EZR: variants seen among roughly 807,000 people sequenced by gnomAD.
The protein encoded by EZR is cytovillin 2.
A neutral mutation model predicts 74.8 loss-of-function variants in EZR; 40 were observed. The ratio of observed to expected loss-of-function variants is 0.53; its 90% CI spans 0.42 to 0.70. The LOEUF (loss-of-function observed/expected upper bound fraction) is 0.70. Among genes scored for constraint, EZR ranks in the 30% least tolerant of loss-of-function variants. EZR has a pLI of 0.00. For synonymous variants in EZR, 341 were observed against 283.3 expected (o/e 1.20, Z -2.05); for missense variants, 678 against 755.8 (o/e 0.90, Z 1.21).
At chr6:158,788,857 G>A (rs776454392) in intron 3 of EZR, among the ~76,000 whole-genome samples, 3 of 152,154 alleles carry the variant, frequency 2.0e-5, no homozygotes, top group Non-Finnish European at 4.4e-5. Flanking sequence ...CAGCAACTGA[G>A]ACAACTAAGG....
chr6:158,818,264 A>C, intron 1 of EZR, 98 bp from the exon 2 acceptor site: 7 of 562,152 alleles, frequency 1.2e-5, no homozygotes, highest in Non-Finnish European at 2.1e-5. Flanking sequence ...CCGCTTAAGA[A>C]CCGGCCAGCC....
chr6:158,782,243 C>T (rs1010175359), intron 7 of EZR, among the ~76,000 whole-genome samples: 1 of 152,176 alleles, frequency 6.6e-6, no homozygotes. Context: ...GGCACAGGTC[C>T]CTGACTTGCC....
At chr6:158,795,421 T>TA (rs35321394) in intron 2 of EZR, among the ~76,000 whole-genome samples, 61,650 of 149,200 alleles carry the variant, frequency 0.41, 13,090 homozygotes, top group Non-Finnish European at 0.49. Flanking sequence ...TTTAAAAACG[T>TA]AAAAAAAAAA....
Position 158,783,661 on chromosome 6 carries a change from T to A in EZR, c.557A>T (p.Asn186Ile), listed in dbSNP as rs780444004. The change falls in exon 7 of 14, where the codon AAT becomes ATT. Residue 186 changes from asparagine to isoleucine, a missense_variant. Around this residue, in one of 3 missense-constraint regions of EZR, gnomAD observed 217 missense variants for 232.2 expected, o/e 0.93. Coordinates refer to ENST00000367075, the MANE Select transcript of EZR (RefSeq NM_001111077.2). ...AATCTTCAGGTATTCCAACATAGCATTATCTCTAATTGGGGAGAGTGAAAC... is the reference window on the plus strand; with the variant it reads ...AATCTTCAGGTATTCCAACATAGCAATATCTCTAATTGGGGAGAGTGAAAC... ...HAEHRGMLKD[N>I]AMLEYLKIAQ... 1.9e-6 allele frequency: 3 copies of A among 1,613,656 alleles called. No homozygotes were observed. In the East Asian group the frequency reaches 6.7e-5, roughly 36 times the overall value.
chr6:158,776,780 C>T (rs1340926297), intron 7 of EZR, among the ~76,000 whole-genome samples: 2 of 152,228 alleles, frequency 1.3e-5, no homozygotes, highest in Middle Eastern at 3.4e-3. Flanking sequence ...CTGGTGATCT[C>T]GAGGTCAACT....
chr6:158,816,649 C>T (rs534741606), intron 2 of EZR, among the ~76,000 whole-genome samples: 1 of 152,324 alleles, frequency 6.6e-6, no homozygotes, highest in African/African-American at 2.4e-5. Context: ...ATAGAAAATA[C>T]TCTGCATCAC....
chr6:158,770,351 G>A (rs1250538320), intron 10 of EZR, among the ~76,000 whole-genome samples: 1 of 152,172 alleles, frequency 6.6e-6, no homozygotes, highest in African/African-American at 2.4e-5. Flanking sequence ...TGCTGGGGTT[G>A]TTGACTGGAG....
chr6:158,768,389 CG>C (rs1021391212), intron 12 of EZR, among the ~76,000 whole-genome samples: 2 of 123,226 alleles, frequency 1.6e-5, no homozygotes, highest in African/African-American at 2.8e-5. Flanking sequence ...TCTTTATAGC[CG>C]TTGTGAGAAC....
intron 2 of EZR, chr6:158,817,867 A>C: frequency 2.3e-6 from 1 of 437,650 alleles, no homozygotes; most frequent in Non-Finnish European, 4.1e-6. Context: ...AAAGAAAAAG[A>C]CTGCAGAGAA....
In EZR at chr6:158,767,279, A is replaced by C; in HGVS notation, c.1578T>G (p.Arg526=). The C allele has an allele frequency of 1.2e-6, 2 of 1,613,416 alleles. No individual in the cohort carries two copies. The highest frequency in any genetic ancestry group is 8.5e-7 in the Non-Finnish European group (1 of 1,179,514). The change falls in exon 13 of 14, where the codon CGT becomes CGG. Residue 526 remains arginine (R), a synonymous_variant. Transcript: ENST00000367075. ...KRITEAEKNE[R]VQRQLLTLSS... is the part of the protein sequence containing the mutation. ...GCCTCACCAGCAGCTGCCGCTGCAC[A>C]CGCTCGTTCTTCTCTGCCTCAGTGA...
At chr6:158,818,672 G>A (rs1411436760) in intron 1 of EZR, among the ~76,000 whole-genome samples, 3 of 151,786 alleles carry the variant, frequency 2.0e-5, no homozygotes, top group Non-Finnish European at 4.4e-5. Flanking sequence ...CGGAGAAGAG[G>A]GGGCGCGGGC....
chr6:158,794,724 CAGTT>C (rs1452970461), intron 2 of EZR, among the ~76,000 whole-genome samples: 1 of 151,618 alleles, frequency 6.6e-6, no homozygotes, highest in Non-Finnish European at 1.5e-5. Context: ...GTATAGTAAG[CAGTT>C]AGTCATCCAA....
intron 2 of EZR, among the ~76,000 whole-genome samples, chr6:158,798,430 T>C (rs1304274926): frequency 6.6e-6 from 1 of 152,220 alleles, no homozygotes; most frequent in Non-Finnish European, 1.5e-5. Context: ...TTCTTAGAAG[T>C]TGCTGGCTGC....
chr6:158,813,894 C>CT (rs202131294), intron 2 of EZR, among the ~76,000 whole-genome samples: 4,222 of 152,340 alleles, frequency 0.028, 79 homozygotes, highest in Middle Eastern at 0.054. Flanking sequence ...ACACAATCCC[C>CT]TTTTCCTTCC....
At position 158,769,830 on chromosome 6, in the gene EZR, T is replaced by A; in HGVS notation, c.1205A>T (p.Glu402Val). ...CTGATCCACCGCCTGTCTCTCCAGC[T>A]CCTCCTTAGCCCGCAGTGCAGCCAT... ...DRMAALRAKE[E>V]LERQAVDQIK... Residue 402 changes from glutamate to valine, a missense_variant, in exon 11 of 14, where the codon GAG (glutamate) becomes GTG (valine). Physicochemically the swap from Glu to Val is moderately radical, Grantham distance 121. This residue lies in a region of EZR where 342 missense variants were observed against 341.2 expected (regional missense o/e 1.00). Coordinates refer to ENST00000367075, the MANE Select transcript of EZR (RefSeq NM_001111077.2). The A allele has an allele frequency of 6.2e-7, 1 of 1,613,960 alleles. No individual in the cohort carries two copies. Among genetic ancestry groups the A allele is most frequent in the Non-Finnish European group, 8.5e-7 (1 of 1,180,024 alleles).
intron 8 of EZR, among the ~76,000 whole-genome samples, chr6:158,773,722 G>C (rs914823677): frequency 2.0e-5 from 3 of 152,272 alleles, no homozygotes; most frequent in African/African-American, 7.2e-5. Flanking sequence ...CAAAAAGGCA[G>C]CGGGGCTCCT....
At chr6:158,784,549 A>G in intron 6 of EZR, 95 bp downstream of exon 6, 1 of 1,136,876 alleles carries the variant, frequency 8.8e-7, no homozygotes, top group Non-Finnish European at 1.3e-6. Flanking sequence ...AAGGCCTGAC[A>G]CAGAGCCCTT....
intron 7 of EZR, among the ~76,000 whole-genome samples, chr6:158,781,046 G>A (rs2128568904): frequency 6.6e-6 from 1 of 152,196 alleles, no homozygotes; most frequent in Admixed American, 6.5e-5. Context: ...AAATCTCTTA[G>A]AGCTCAATTT....
intron 10 of EZR, 120 bp from the exon 11 acceptor site, chr6:158,770,064 G>A (rs1352763291): frequency 2.3e-6 from 3 of 1,304,692 alleles, no homozygotes; most frequent in Non-Finnish European, 2.1e-6. Context: ...TTGAGGGGAT[G>A]TCTTCCAGTG....
Sources: gnomAD v4.1 joint callset for allele counts (sites outside exome capture counted in the v4.1 genomes callset) on GRCh38, gnomAD v4.1.1 for gene constraint, gnomAD v4.1.1 regional missense constraint, MANE v1.5 for transcripts, NCBI Gene and HGNC (gene_info 2026-07-23, HGNC 2026-07-21) for gene names.